COX15: variants seen among roughly 807,000 people sequenced by gnomAD.
COX15 encodes cytochrome c oxidase assembly factor COX15, also known as heme A synthase COX15.
Under a neutral mutation model 51.9 loss-of-function variants are expected in COX15, and 51 were observed. The observed-to-expected ratio is 0.98, with a 90% CI of 0.78 to 1.24. COX15 has a LOEUF of 1.24. Among genes scored for constraint, COX15 ranks in the 50% most tolerant of loss-of-function variants. The pLI is 0.00. For synonymous variants in COX15, 188 were observed against 190.5 expected (o/e 0.99, Z 0.11); for missense variants, 420 against 501.1 (o/e 0.84, Z 1.55).
chr10:99,715,951 T>C (rs574509118), intron 8 of COX15, among the ~76,000 whole-genome samples: 10 of 151,352 alleles, frequency 6.6e-5, no homozygotes, highest in South Asian at 2.1e-4. Flanking sequence ...TTATTATAAA[T>C]ATGGAAAATA....
At chr10:99,720,683 G>A (rs564401829) in intron 6 of COX15, among the ~76,000 whole-genome samples, 1 of 152,272 alleles carries the variant, frequency 6.6e-6, no homozygotes, top group Admixed American at 6.5e-5. Context: ...TATAGATAAG[G>A]TCTCTAAGGC....
intron 5 of COX15, among the ~76,000 whole-genome samples, chr10:99,721,751 A>G (rs1278752080): frequency 6.6e-6 from 1 of 152,200 alleles, no homozygotes; most frequent in African/African-American, 2.4e-5. Flanking sequence ...GAAAAGTTCT[A>G]TCATCTACCT....
downstream of COX15, chr10:99,710,765 T>G (rs2036356337): frequency 4.1e-6 from 4 of 985,304 alleles, no homozygotes; most frequent in Non-Finnish European, 4.8e-6. Flanking sequence ...AGTGTTGATC[T>G]CTGCAACCAA....
the COX15 span, among the ~76,000 whole-genome samples, chr10:99,704,027 C>A: frequency 6.6e-6 from 1 of 152,162 alleles, no homozygotes; most frequent in Non-Finnish European, 1.5e-5. Flanking sequence ...CACTTGGCTG[C>A]ATAGCAACTT....
At position 99,718,408 on chromosome 10, in the gene COX15, A is replaced by G; in HGVS notation, c.925T>C (p.Ser309Pro). Reference protein sequence around the residue: ...SWIPEDLFTFSPILRNVFENP... With the variant: ...SWIPEDLFTFPPILRNVFENP... Reference sequence around the variant, plus strand: ...TCAAAAACATTCCTCAGGATGGGGGAGAAGGTAAAGAGGTCCTCCGGGATC... The same window carrying G: ...TCAAAAACATTCCTCAGGATGGGGGGGAAGGTAAAGAGGTCCTCCGGGATC... Residue 309 changes from serine (S) to proline (P), a missense_variant, in exon 7 of 9, where the codon TCC becomes CCC. Physicochemically the swap from Ser to Pro is moderately conservative, Grantham distance 74 (BLOSUM62 -1). Coordinates refer to ENST00000016171, the MANE Select transcript of COX15 (RefSeq NM_078470.6). 2 of 1,614,066 alleles carry G rather than the reference A, an allele frequency of 1.2e-6. No homozygotes were observed. The highest frequency in any genetic ancestry group is 1.7e-6 in the Non-Finnish European group (2 of 1,179,988).
the COX15 span, among the ~76,000 whole-genome samples, chr10:99,694,532 T>C: frequency 8.1e-5 from 5 of 61,790 alleles, no homozygotes; most frequent in Admixed American, 1.0e-3. Flanking sequence ...GTACATAAGT[T>C]TTTTTGTTTT....
intron 3 of COX15, 76 bp from the exon 4 acceptor site, chr10:99,727,230 A>C (rs1265886462): frequency 1.3e-6 from 2 of 1,549,172 alleles, no homozygotes; most frequent in Non-Finnish European, 1.8e-6. Context: ...GGAATGCAAA[A>C]CCTTTCTTTC....
chr10:99,721,546 T>C (rs2036771038), intron 5 of COX15, among the ~76,000 whole-genome samples: 1 of 152,210 alleles, frequency 6.6e-6, no homozygotes, highest in South Asian at 2.1e-4. Context: ...TTTGATAAAA[T>C]CAAAATTTGT....
At position 99,714,566 on chromosome 10, in the gene COX15, A is replaced by G. The variant is rs187834743; in HGVS notation, c.*21T>C. ...AGCTCTCAAAAGCAGTCACAGTCCC[A>G]GGAGGCTGGTCCTCTAAGAATCATT... is the stretch of plus-strand genomic sequence containing the variant. On this transcript the variant is annotated 3_prime_UTR_variant, in exon 9 of 9. Coordinates refer to ENST00000016171, the MANE Select transcript of COX15 (RefSeq NM_078470.6). The G allele has an allele frequency of 6.2e-7, 1 of 1,613,934 alleles. No homozygotes were observed. Among genetic ancestry groups the G allele is most frequent in the East Asian group, 2.2e-5 (1 of 44,878 alleles).
chr10:99,709,257 T>C (rs149131820), downstream of COX15: 4 of 985,410 alleles, frequency 4.1e-6, no homozygotes, highest in East Asian at 4.5e-4. Context: ...GGGCTGTTTC[T>C]TTTTGTTGTC....
chr10:99,713,396 G>C lies in COX15; in HGVS notation c.*1191C>G, dbSNP rs747005189. 1 of 1,613,704 alleles carries C rather than the reference G, an allele frequency of 6.2e-7. No individual in the cohort carries two copies. The highest frequency in any genetic ancestry group is 1.1e-5 in the South Asian group (1 of 91,068). On this transcript the variant is annotated 3_prime_UTR_variant, in exon 9 of 9. Coordinates refer to ENST00000016171, the MANE Select transcript of COX15 (RefSeq NM_078470.6). ...GTCATCTATTATATTAGCAATATTGGGTTGCTCCATCCTCAAATCAGATGT... is the reference window on the plus strand; with the variant it reads ...GTCATCTATTATATTAGCAATATTGCGTTGCTCCATCCTCAAATCAGATGT...
chr10:99,729,680 C>T lies in COX15; in HGVS notation c.145G>A (p.Val49Ile), dbSNP rs1421542405. 1 of 1,614,166 alleles carries T rather than the reference C, an allele frequency of 6.2e-7. No homozygotes were observed. Among genetic ancestry groups the T allele is most frequent in the Non-Finnish European group, 8.5e-7 (1 of 1,180,036 alleles). ...RPGQYSTISE[V>I]ALQSGRGTVS... The stretch of plus-strand genomic sequence containing the variant: ...GTACCCCTTCCAGATTGCAAAGCTA[C>T]TTCAGAGATGGTGCTGTATTGCCCT... The change falls in exon 2 of 9, where the codon GTA becomes ATA. Residue 49 changes from valine to isoleucine, a missense_variant. Physicochemically the swap from Val to Ile is conservative, Grantham distance 29 (BLOSUM62 3). Coordinates refer to ENST00000016171, the MANE Select transcript of COX15 (RefSeq NM_078470.6).
At chr10:99,709,680 A>G (rs908520275), downstream of COX15, 1 of 985,168 alleles carries the variant, frequency 1.0e-6, no homozygotes, top group Non-Finnish European at 1.2e-6. Flanking sequence ...TGTCCCATCT[A>G]CCCTGTTTTC....
the COX15 span, among the ~76,000 whole-genome samples, chr10:99,702,006 G>T: frequency 6.6e-6 from 1 of 151,512 alleles, no homozygotes; most frequent in African/African-American, 2.4e-5. Flanking sequence ...CTGAGATCGC[G>T]CCACTGCACT....
Position 99,714,753 on chromosome 10 carries a change from G to T in COX15, c.1102-35C>A, listed in dbSNP as rs750373116. ...AGGAAAGAAGGCAATAGGAAAGGCA[G>T]TAACCCAAAGTTCACATTGAAAATG... On this transcript the variant is annotated intron_variant, in intron 8 of 8. Transcript: ENST00000016171. 30 of 1,610,128 alleles carry T rather than the reference G, an allele frequency of 1.9e-5. No homozygotes were observed. In the Admixed American group the frequency reaches 5.0e-4, roughly 27 times the overall value.
Position 99,721,085 on chromosome 10 carries a change from A to G in COX15, c.751-17T>C. The G allele has an allele frequency of 6.2e-7, 1 of 1,601,234 alleles. No homozygotes were observed. Among genetic ancestry groups the G allele is most frequent in the Middle Eastern group, 1.7e-4 (1 of 5,980 alleles). The stretch of plus-strand genomic sequence containing the variant: ...TTCAGGCAACTAAATATGAAAAAAA[A>G]TCATTCAGTTAAACTGTGTTGCAGG... On this transcript the variant is annotated splice_polypyrimidine_tract_variant and intron_variant, in intron 5 of 8. Transcript: ENST00000016171.
Position 99,732,116 on chromosome 10 carries a change from G to GA in COX15, c.-68dup. ...TCTGTGGTCTCCCTCCTCCGCCAAG[G>GA]AAAAGAGAAGCACTTCCGGGTCGGG... On this transcript the variant is annotated 5_prime_UTR_variant, in exon 1 of 9. Coordinates refer to ENST00000016171, the MANE Select transcript of COX15 (RefSeq NM_078470.6). The GA allele has an allele frequency of 6.4e-7, 1 of 1,570,310 alleles. No individual in the cohort carries two copies. Among genetic ancestry groups the GA allele is most frequent in the Non-Finnish European group, 8.6e-7 (1 of 1,157,272 alleles).
intron 2 of COX15, among the ~76,000 whole-genome samples, chr10:99,728,747 T>A (rs1173952812): frequency 3.9e-5 from 6 of 152,208 alleles, no homozygotes; most frequent in Non-Finnish European, 7.3e-5. Flanking sequence ...ACATGTTAAA[T>A]ATCACACAGT....
rs2036568238 is a variant in COX15 at position 99,716,219 on chromosome 10, C to T, written c.1101+129G>A. ...ATGTTGCCCAGGCTAGTCTTGAATTCCTGGCTCAAGTGATCTGCCCACCTA... is the reference window on the plus strand; with the variant it reads ...ATGTTGCCCAGGCTAGTCTTGAATTTCTGGCTCAAGTGATCTGCCCACCTA... On this transcript the variant is annotated intron_variant, in intron 8 of 8. Transcript: ENST00000016171. 4.1e-6 allele frequency: 3 copies of T among 730,192 alleles called. No homozygotes were observed. The Admixed American group carries it at 5.4e-5, about 13-fold the overall frequency. 45.2% of individuals were successfully genotyped at this position (730,192 alleles called of 1,614,324 possible).
Sources: gnomAD v4.1 joint callset for allele counts (sites outside exome capture counted in the v4.1 genomes callset) on GRCh38, gnomAD v4.1.1 for gene constraint, MANE v1.5 for transcripts, NCBI Gene and HGNC (gene_info 2026-07-23, HGNC 2026-07-21) for gene names.